CCDC158: variants seen among roughly 807,000 people sequenced by gnomAD.
CCDC158 encodes coiled-coil domain containing 158, also known as coiled-coil domain-containing protein 158.
Under a neutral mutation model 138.6 loss-of-function variants are expected in CCDC158, and 116 were observed. That is an observed-to-expected ratio of 0.84 (90% CI 0.72 to 0.98). The LOEUF (loss-of-function observed/expected upper bound fraction) is 0.98. Among genes scored for constraint, CCDC158 ranks in the 50% least tolerant of loss-of-function variants. The pLI is 0.00. For missense variants in CCDC158, 1,265 were observed against 1,306.1 expected, an observed-to-expected ratio of 0.97 and a Z score of 0.48; for synonymous variants, 436 against 442.4, an observed-to-expected ratio of 0.99 and a Z score of 0.18.
chr4:76,375,756 T>C, intron 9 of CCDC158: 1 of 595,130 alleles, frequency 1.7e-6, no homozygotes, highest in South Asian at 2.0e-5. Context: ...AACACTTTTG[T>C]AAGCTACGAA....
chr4:76,337,996 CT>C (rs1190366784), intron 18 of CCDC158, among the ~76,000 whole-genome samples: 2 of 152,204 alleles, frequency 1.3e-5, no homozygotes, highest in African/African-American at 4.8e-5. Context: ...GAAGCTTCAT[CT>C]GTCTTTATAG....
At chr4:76,355,152 T>C (rs555757004) in intron 15 of CCDC158, among the ~76,000 whole-genome samples, 172 bp downstream of exon 15, 59 of 152,348 alleles carry the variant, frequency 3.9e-4, no homozygotes, top group African/African-American at 1.3e-3. Context: ...ATAGTAGCTG[T>C]CTTTCAACAT....
chr4:76,356,259 A>G (rs114463761), intron 14 of CCDC158, among the ~76,000 whole-genome samples: 2 of 152,332 alleles, frequency 1.3e-5, no homozygotes, highest in African/African-American at 2.4e-5. Context: ...GACACTGTAT[A>G]TTGATTTATT....
intron 24 of CCDC158, among the ~76,000 whole-genome samples, chr4:76,318,288 T>C (rs1428935116): frequency 6.6e-6 from 1 of 152,032 alleles, no homozygotes; most frequent in South Asian, 2.1e-4. Context: ...GAAAAGAAGA[T>C]AGAAGATCCA....
chr4:76,395,565 A>G (rs1213003226), intron 4 of CCDC158, among the ~76,000 whole-genome samples: 3 of 152,202 alleles, frequency 2.0e-5, no homozygotes, highest in East Asian at 3.8e-4. Context: ...CAGACAAGGT[A>G]GAGAAGAGAA....
At chr4:76,419,366 G>C (rs1294678085) in intron 1 of CCDC158, among the ~76,000 whole-genome samples, 1 of 152,026 alleles carries the variant, frequency 6.6e-6, no homozygotes, top group African/African-American at 2.4e-5. Flanking sequence ...TGATTTATGA[G>C]CACGCTCATA....
intron 21 of CCDC158, among the ~76,000 whole-genome samples, chr4:76,329,364 T>C (rs1243302199): frequency 6.6e-6 from 1 of 152,054 alleles, no homozygotes; most frequent in African/African-American, 2.4e-5. Context: ...CGCAGGTGGA[T>C]CATGAGGTCA....
chr4:76,375,289 T>G, intron 9 of CCDC158: 1 of 369,304 alleles, frequency 2.7e-6, no homozygotes, highest in Non-Finnish European at 4.8e-6. Context: ...TATTGGGATT[T>G]CATTCTAATC....
intron 9 of CCDC158, among the ~76,000 whole-genome samples, chr4:76,372,799 T>C (rs1489697229): frequency 1.3e-5 from 2 of 152,178 alleles, no homozygotes; most frequent in Non-Finnish European, 1.5e-5. Flanking sequence ...TGTTTGAATA[T>C]GCATTTCTAT....
At chr4:76,397,935 G>A (rs377040695) in intron 3 of CCDC158, among the ~76,000 whole-genome samples, 1 of 152,158 alleles carries the variant, frequency 6.6e-6, no homozygotes, top group Non-Finnish European at 1.5e-5. Flanking sequence ...AATACAAGGT[G>A]AGCCTGAAAC....
chr4:76,348,724 T>C (rs1168799669), intron 18 of CCDC158, among the ~76,000 whole-genome samples: 1 of 152,114 alleles, frequency 6.6e-6, no homozygotes, highest in Non-Finnish European at 1.5e-5. Flanking sequence ...GTTTAATAGA[T>C]TAGACTCAGG....
Position 76,421,005 on chromosome 4 carries a change from C to G in CCDC158, c.-157G>C, listed in dbSNP as rs939339442. ...AATCCTAAGACACCGGCCACATCTC[C>G]GCGGGGCGCCGGCGGGCGCAGCGGC... On this transcript the variant is annotated 5_prime_UTR_variant, in exon 1 of 25. Transcript: ENST00000682701. 6.6e-6 allele frequency among the ~76,000 whole-genome samples: 1 copy of G among 152,090 alleles called. No homozygotes were observed. Among genetic ancestry groups the G allele is most frequent in the African/African-American group, 2.4e-5 (1 of 41,446 alleles).
At chr4:76,337,727 CATCTCAAGAAAAA>C (rs918986068) in intron 18 of CCDC158, among the ~76,000 whole-genome samples, 2 of 150,712 alleles carry the variant, frequency 1.3e-5, no homozygotes, top group Admixed American at 1.3e-4. Flanking sequence ...AGCAAAACTC[CATCTCAAGAAAAA>C]AAAAAAAGAA....
In CCDC158 at chr4:76,374,751, T is replaced by G. The variant is rs549242944; in HGVS notation, c.1030-3215A>C. 4.6e-5 allele frequency among the ~76,000 whole-genome samples: 7 copies of G among 152,276 alleles called. No individual in the cohort carries two copies. In the South Asian group the frequency reaches 1.4e-3, roughly 32 times the overall value. Reference sequence around the variant, plus strand: ...CTATCCTTGAGCAAAGAAAATAATTTGTATATATGCTTTAAAAGCTTAAAT... The same window carrying G: ...CTATCCTTGAGCAAAGAAAATAATTGGTATATATGCTTTAAAAGCTTAAAT... On this transcript the variant is annotated intron_variant, in intron 9 of 24. Transcript: ENST00000682701.
At position 76,332,441 on chromosome 4, in the gene CCDC158, A is replaced by G; in HGVS notation, c.2873T>C (p.Met958Thr). The G allele has an allele frequency of 2.5e-6, 4 of 1,610,300 alleles. No individual in the cohort carries two copies. Among genetic ancestry groups the G allele is most frequent in the Non-Finnish European group, 2.5e-6 (3 of 1,177,388 alleles). The change falls in exon 20 of 25, where the codon ATG (methionine) becomes ACG (threonine). Residue 958 changes from methionine (M) to threonine (T), a missense_variant. Coordinates refer to ENST00000682701, the MANE Select transcript of CCDC158 (RefSeq NM_001394954.1). ...CTCAGATTCTTCTTACCTATGGCAC[A>G]TGTCTGATCTCAGGCTGGATTCAGT... The part of the protein sequence containing the change: ...CITESSLRSD[M>T]CHRSNNSLRD...
At chr4:76,389,905 G>A (rs1727158030) in intron 4 of CCDC158, among the ~76,000 whole-genome samples, 2 of 152,050 alleles carry the variant, frequency 1.3e-5, no homozygotes, top group Admixed American at 1.3e-4. Flanking sequence ...CACTTTTCTA[G>A]AAAACAAAAG....
At chr4:76,341,244 G>A (rs1722020771) in intron 18 of CCDC158, among the ~76,000 whole-genome samples, 1 of 152,124 alleles carries the variant, frequency 6.6e-6, no homozygotes, top group Admixed American at 6.5e-5. Flanking sequence ...GTGAGGCCTA[G>A]GGAGAGTGTA....
At chr4:76,344,615 C>A in intron 18 of CCDC158, 1 of 1,437,950 alleles carries the variant, frequency 7.0e-7, no homozygotes, top group Non-Finnish European at 9.8e-7. Flanking sequence ...CTGATGTGCT[C>A]AGTGAGAGAG....
At chr4:76,335,764 A>T (rs538218741) in intron 18 of CCDC158, among the ~76,000 whole-genome samples, 79 of 152,074 alleles carry the variant, frequency 5.2e-4, no homozygotes, top group Non-Finnish European at 9.7e-4. Context: ...TGTAGAATGG[A>T]GTTTTGCCAT....
Sources: gnomAD v4.1 joint callset for allele counts (sites outside exome capture counted in the v4.1 genomes callset) on GRCh38, gnomAD v4.1.1 for gene constraint, MANE v1.5 for transcripts, NCBI Gene and HGNC (gene_info 2026-07-23, HGNC 2026-07-21) for gene names.